Variants in PEMT observed in about 807,000 individuals in gnomAD.
PEMT encodes the protein phospholipid methyltransferase.
A neutral mutation model predicts 27.4 loss-of-function variants in PEMT; 23 were observed. That is an observed-to-expected ratio of 0.84 (90% CI 0.60 to 1.19). The LOEUF is 1.19. PEMT is among the 50% of genes most tolerant of loss of function. The probability of loss-of-function intolerance (pLI) is 0.00; values close to 1 mark genes in which losing one functional copy is unlikely to be tolerated. For missense variants in PEMT, 307 were observed against 310.1 expected, an observed-to-expected ratio of 0.99 and a Z score of 0.07; for synonymous variants, 137 against 139.1, an observed-to-expected ratio of 0.98 and a Z score of 0.11.
At chr17:17,539,528 T>C (rs1273110786) in intron 2 of PEMT, among the ~76,000 whole-genome samples, 2 of 152,226 alleles carry the variant, frequency 1.3e-5, no homozygotes, top group African/African-American at 4.8e-5. Context: ...AGCTTGTTCC[T>C]TTTTGTGGCT....
chr17:17,587,031 G>A (rs1912352093), intron 1 of PEMT, among the ~76,000 whole-genome samples: 1 of 151,868 alleles, frequency 6.6e-6, no homozygotes, highest in African/African-American at 2.4e-5. Context: ...ATTAGAGAAA[G>A]AGGAATGAGT....
chr17:17,566,776 A>AG (rs939386065), intron 2 of PEMT, among the ~76,000 whole-genome samples: 2 of 152,326 alleles, frequency 1.3e-5, no homozygotes, highest in South Asian at 2.1e-4. Context: ...AACTGGGCGC[A>AG]GGGGGGCAGG....
intron 1 of PEMT, among the ~76,000 whole-genome samples, chr17:17,585,867 A>AG (rs1912215321): frequency 1.3e-5 from 2 of 151,950 alleles, no homozygotes; most frequent in Non-Finnish European, 2.9e-5. Flanking sequence ...CGTATCATGA[A>AG]GTCAGGAGAT....
At chr17:17,538,782 G>A (rs1011581305) in intron 2 of PEMT, among the ~76,000 whole-genome samples, 1 of 152,176 alleles carries the variant, frequency 6.6e-6, no homozygotes, top group African/African-American at 2.4e-5. Flanking sequence ...ACCAAATATA[G>A]CACAAAGCGT....
At chr17:17,573,384 T>C (rs1035511997) in intron 2 of PEMT, among the ~76,000 whole-genome samples, 2 of 150,380 alleles carry the variant, frequency 1.3e-5, no homozygotes, top group African/African-American at 4.9e-5. Flanking sequence ...GGGGAATCGC[T>C]TGAACCTGAG....
intron 2 of PEMT, among the ~76,000 whole-genome samples, chr17:17,559,448 C>T (rs76883027): frequency 0.028 from 4,234 of 152,272 alleles, 153 homozygotes; most frequent in African/African-American, 0.083. Context: ...AGAGGCCTGT[C>T]GGGGAAGGGA....
chr17:17,573,450 G>A (rs1199518219), intron 2 of PEMT, among the ~76,000 whole-genome samples: 1 of 147,510 alleles, frequency 6.8e-6, no homozygotes, highest in Non-Finnish European at 1.5e-5. Flanking sequence ...CTGGGAAACA[G>A]AGTGAGATGC....
At chr17:17,526,282 G>A (rs1907656156) in intron 2 of PEMT, among the ~76,000 whole-genome samples, 1 of 152,158 alleles carries the variant, frequency 6.6e-6, no homozygotes, top group African/African-American at 2.4e-5. Flanking sequence ...AAGGCAAGTG[G>A]AGTGGGAGGA....
chr17:17,577,054 C>T (rs1384200801), intron 1 of PEMT, 27 bp from the exon 2 acceptor site: 2 of 1,554,254 alleles, frequency 1.3e-6, no homozygotes, highest in African/African-American at 2.7e-5. Context: ...AGCATCAGCA[C>T]CACCCAGACA....
chr17:17,509,361 G>T lies in PEMT; in HGVS notation c.578+73C>A. The T allele has an allele frequency of 4.2e-6, 4 of 960,396 alleles. No homozygotes were observed. In the South Asian group the frequency reaches 5.9e-5, roughly 14 times the overall value. The allele number at this position is 960,396 out of a possible 1,614,324, so 59.5% of individuals were successfully genotyped here. The stretch of plus-strand genomic sequence containing the variant: ...TCTCTCTCCAGGGGCCCTGGCCCCC[G>T]CGTCCTGAGCTGCACCAGCTCCTCT... On this transcript the variant is annotated intron_variant, in intron 5 of 6. Coordinates refer to ENST00000255389, the MANE Select transcript of PEMT (RefSeq NM_148172.3).
chr17:17,534,586 T>G (rs1908325033), intron 2 of PEMT, among the ~76,000 whole-genome samples: 1 of 152,172 alleles, frequency 6.6e-6, no homozygotes, highest in Non-Finnish European at 1.5e-5. Context: ...CCCAACACTC[T>G]GGGACTTTGG....
rs144051160 is a variant in PEMT, at chr17:17,518,164, C to T, written c.320+4116G>A. Reference sequence around the variant, plus strand: ...ACAGTTCCATCCCGTGACTGGTGAACGACACCAGGAGCTCGCTGATGCCCT... The same window carrying T: ...ACAGTTCCATCCCGTGACTGGTGAATGACACCAGGAGCTCGCTGATGCCCT... On this transcript the variant is annotated intron_variant, in intron 3 of 6. Transcript: ENST00000255389. 3.6e-3 allele frequency: 3,578 copies of T among 985,354 alleles called. 25 individuals carry two copies. Among genetic ancestry groups the T allele is most frequent in the African/African-American group, 0.022 (1,245 of 57,354 alleles). 61.0% of individuals were successfully genotyped at this position (985,354 alleles called of 1,614,324 possible).
chr17:17,506,178 CAG>C, intron 6 of PEMT, 47 bp downstream of exon 6: 1 of 1,408,404 alleles, frequency 7.1e-7, no homozygotes, highest in East Asian at 2.5e-5. Flanking sequence ...GAGGGAGAGA[CAG>C]GGCCAGTCGG....
intron 5 of PEMT, among the ~76,000 whole-genome samples, chr17:17,508,486 G>A (rs568965451): frequency 4.6e-5 from 7 of 152,370 alleles, no homozygotes; most frequent in South Asian, 2.1e-4. Flanking sequence ...AACATCTTGC[G>A]CTTGACATTC....
intron 4 of PEMT, among the ~76,000 whole-genome samples, chr17:17,509,973 A>C (rs1906237002): frequency 6.7e-6 from 1 of 149,098 alleles, no homozygotes; most frequent in African/African-American, 2.5e-5. Flanking sequence ...CCTACCTCCC[A>C]CTCTTCCTCG....
intron 2 of PEMT, among the ~76,000 whole-genome samples, chr17:17,538,232 T>G (rs1222308646): frequency 6.6e-6 from 1 of 152,222 alleles, no homozygotes. Flanking sequence ...CAATACACGC[T>G]GAGCGGCTTC....
chr17:17,520,003 T>C (rs1303288326), intron 3 of PEMT, among the ~76,000 whole-genome samples: 1 of 152,176 alleles, frequency 6.6e-6, no homozygotes, highest in Non-Finnish European at 1.5e-5. Context: ...CGGCATGCTC[T>C]AGGGAGCAGG....
In PEMT at chr17:17,521,711, C is replaced by T. The variant is rs541873540; in HGVS notation, c.320+569G>A. ...TCTCGAGTAGCTGGGATTACAGGCG[C>T]ATGCACCACCATGCCCGGCTAATTT... On this transcript the variant is annotated intron_variant, in intron 3 of 6. Transcript: ENST00000255389. 1.4e-4 allele frequency among the ~76,000 whole-genome samples: 21 copies of T among 152,260 alleles called. No individual in the cohort carries two copies. In the South Asian group the frequency reaches 2.7e-3, roughly 20 times the overall value.
chr17:17,554,344 C>T (rs966941501), intron 2 of PEMT, among the ~76,000 whole-genome samples: 2 of 152,178 alleles, frequency 1.3e-5, no homozygotes, highest in Non-Finnish European at 2.9e-5. Context: ...TGTTCACAGC[C>T]CCCCTCCCAT....
Sources: allele counts gnomAD v4.1 joint callset (sites outside exome capture counted in the v4.1 genomes callset), GRCh38; gene constraint gnomAD v4.1.1; transcripts MANE v1.5; gene names NCBI Gene and HGNC (gene_info 2026-07-23, HGNC 2026-07-21).